DCDC2C: variants seen among roughly 807,000 people sequenced by gnomAD.
The protein encoded by DCDC2C is doublecortin domain-containing protein 2C.
Under a neutral mutation model 45.0 loss-of-function variants are expected in DCDC2C, and 44 were observed. The ratio of observed to expected loss-of-function variants is 0.98; its 90% CI spans 0.77 to 1.26. The LOEUF is 1.26. Ranked by LOEUF, DCDC2C falls within the 50% of genes most tolerant of loss-of-function variation. The pLI is 0.00. For synonymous variants in DCDC2C, 187 were observed against 178.8 expected (o/e 1.05, Z -0.37); for missense variants, 447 against 468.9 (o/e 0.95, Z 0.43).
chr2:3,825,947 T>C (rs1671806094), intron 10 of DCDC2C, among the ~76,000 whole-genome samples: 1 of 152,244 alleles, frequency 6.6e-6, no homozygotes, highest in Non-Finnish European at 1.5e-5. Context: ...GACTCTTGTT[T>C]ATTGTTCAGA....
In DCDC2C at chr2:3,769,299, A is replaced by AT. The variant is rs1381808007; in HGVS notation, c.854-8dup. 4 of 1,547,718 alleles carry AT rather than the reference A, an allele frequency of 2.6e-6. No homozygotes were observed. Among genetic ancestry groups the AT allele is most frequent in the South Asian group, 1.2e-5 (1 of 83,986 alleles). ...TGGGTTTCAAAAGTTTGTCTGTGTG[A>AT]TTTTCTCCCAGAAGGTGACGTGTAT... On this transcript the variant is annotated splice_polypyrimidine_tract_variant and intron_variant, in intron 7 of 10. Transcript: ENST00000399143.
chr2:3,739,446 C>A lies in DCDC2C; in HGVS notation c.417-2474C>A, dbSNP rs1192850312. 3.3e-5 allele frequency among the ~76,000 whole-genome samples: 5 copies of A among 152,234 alleles called. No individual in the cohort carries two copies. The East Asian group carries it at 9.6e-4, about 29-fold the overall frequency. On this transcript the variant is annotated intron_variant, in intron 3 of 10. Coordinates refer to ENST00000399143, the MANE Select transcript of DCDC2C (RefSeq NM_001287444.2). ...ATAAAAGCTTGAGACCCTGGCAAGG[C>A]AGAGACAGAAATGGCTGGACGTCGG... is the stretch of plus-strand genomic sequence containing the variant.
chr2:3,799,552 G>A (rs1671051740), intron 10 of DCDC2C, among the ~76,000 whole-genome samples: 1 of 152,104 alleles, frequency 6.6e-6, no homozygotes, highest in East Asian at 2.0e-4. Context: ...TTTTGGTGTG[G>A]ATGTCCTTTC....
At chr2:3,723,955 GTCTC>G (rs1359528849) in intron 2 of DCDC2C, among the ~76,000 whole-genome samples, 4 of 151,834 alleles carry the variant, frequency 2.6e-5, no homozygotes, top group East Asian at 1.9e-4. Context: ...CCCCTTCTCT[GTCTC>G]TCTGTGTGTT....
At chr2:3,724,168 G>T (rs1668572007) in intron 2 of DCDC2C, among the ~76,000 whole-genome samples, 1 of 152,194 alleles carries the variant, frequency 6.6e-6, no homozygotes, top group Non-Finnish European at 1.5e-5. Flanking sequence ...GAGAAGTGTA[G>T]CTGCTTCTCC....
intron 9 of DCDC2C, among the ~76,000 whole-genome samples, chr2:3,783,862 A>C (rs72771273): frequency 5.9e-4 from 90 of 152,394 alleles, no homozygotes; most frequent in Non-Finnish European, 1.2e-3. Flanking sequence ...GTGTTTATCT[A>C]CATGAAAATC....
At chr2:3,841,238 C>T (rs1161418757) in intron 10 of DCDC2C, among the ~76,000 whole-genome samples, 1 of 152,092 alleles carries the variant, frequency 6.6e-6, no homozygotes. Context: ...CACTCAGGTG[C>T]CTGGTGGGTT....
intron 6 of DCDC2C, among the ~76,000 whole-genome samples, chr2:3,767,421 C>T (rs150070840): frequency 3.3e-5 from 5 of 152,320 alleles, no homozygotes; most frequent in Non-Finnish European, 7.3e-5. Flanking sequence ...AAACCAGAGG[C>T]GCCTCCTTTG....
At chr2:3,704,115 CCCCCAGGTGTCCT>C in intron 1 of DCDC2C, 77 bp downstream of exon 1, 1 of 1,166,042 alleles carries the variant, frequency 8.6e-7, no homozygotes, top group Non-Finnish European at 1.1e-6. Context: ...AGGGCCGTGC[CCCCCAGGTGTCCT>C]CCCCAGGCTT....
intron 10 of DCDC2C, among the ~76,000 whole-genome samples, chr2:3,813,153 C>G (rs200855817): frequency 7.9e-5 from 12 of 151,010 alleles, no homozygotes; most frequent in African/African-American, 2.7e-4. Context: ...CTCACTGCAA[C>G]CTCCACCTCT....
At chr2:3,817,335 G>C (rs1432461759) in intron 10 of DCDC2C, among the ~76,000 whole-genome samples, 1 of 151,994 alleles carries the variant, frequency 6.6e-6, no homozygotes, top group Non-Finnish European at 1.5e-5. Flanking sequence ...ACCTCTTTTT[G>C]CCCATATAAC....
intron 10 of DCDC2C, among the ~76,000 whole-genome samples, chr2:3,807,182 C>T (rs74496530): frequency 0.1 from 15,223 of 152,096 alleles, 1,036 homozygotes; most frequent in East Asian, 0.29. Flanking sequence ...TAAGGAGAGC[C>T]GGGATCTTCC....
rs575773957 is a variant in DCDC2C, at chr2:3,773,226, C to T, written c.954+3815C>T. On this transcript the variant is annotated intron_variant, in intron 8 of 10. Transcript: ENST00000399143. ...CACTGGTGGTTGTGGCGTGAATTAT[C>T]GCCAGTCTTTAACGACCCCCTGTTT... 3.6e-5 allele frequency among the ~76,000 whole-genome samples: 5 copies of T among 137,358 alleles called. No homozygotes were observed. The South Asian group carries it at 8.7e-4, about 24-fold the overall frequency. 90.1% of individuals were successfully genotyped at this position (137,358 alleles called of 152,430 possible).
At chr2:3,836,685 A>G (rs1011380770) in intron 10 of DCDC2C, among the ~76,000 whole-genome samples, 2 of 152,104 alleles carry the variant, frequency 1.3e-5, no homozygotes, top group African/African-American at 4.8e-5. Flanking sequence ...ACAGGGTGAA[A>G]CCCTGTCTTG....
chr2:3,820,360 G>T (rs915017918), intron 10 of DCDC2C, among the ~76,000 whole-genome samples: 1 of 152,166 alleles, frequency 6.6e-6, no homozygotes, highest in African/African-American at 2.4e-5. Flanking sequence ...GGAGAAGAAG[G>T]GGGAATGGAG....
At chr2:3,750,673 G>C (rs1194423954) in intron 4 of DCDC2C, among the ~76,000 whole-genome samples, 1 of 152,110 alleles carries the variant, frequency 6.6e-6, no homozygotes, top group Non-Finnish European at 1.5e-5. Flanking sequence ...GTGACCTTGG[G>C]TGTCGCACTC....
intron 6 of DCDC2C, among the ~76,000 whole-genome samples, chr2:3,762,600 C>T (rs1354850659): frequency 4.6e-5 from 7 of 151,916 alleles, no homozygotes; most frequent in Admixed American, 4.6e-4. Flanking sequence ...TCGGGGGGAG[C>T]AGGGGAGGTA....
At chr2:3,799,723 G>A (rs1207635132) in intron 10 of DCDC2C, among the ~76,000 whole-genome samples, 26 of 151,250 alleles carry the variant, frequency 1.7e-4, no homozygotes, top group Admixed American at 1.2e-3. Flanking sequence ...CAGTCTGCCC[G>A]TCCTCAGATC....
intron 1 of DCDC2C, among the ~76,000 whole-genome samples, chr2:3,706,324 T>C (rs1166547532): frequency 6.6e-6 from 1 of 152,190 alleles, no homozygotes. Context: ...ATCTATCCAA[T>C]ATCCAGCCAT....
Sources: gnomAD v4.1 joint callset for allele counts (sites outside exome capture counted in the v4.1 genomes callset) on GRCh38, gnomAD v4.1.1 for gene constraint, MANE v1.5 for transcripts, NCBI Gene and HGNC (gene_info 2026-07-23, HGNC 2026-07-21) for gene names.